SVBP: variants seen among roughly 807,000 people sequenced by gnomAD.
SVBP encodes small vasohibin-binding protein.
In SVBP, 9 loss-of-function variants were observed where a neutral mutation model predicts 9.2. That is an observed-to-expected ratio of 0.98 (90% CI 0.59 to 1.71). SVBP has a LOEUF of 1.71. Among genes scored for constraint, SVBP ranks in the 40% most tolerant of loss-of-function variants. SVBP has a pLI of 0.00. For synonymous variants in SVBP, 27 were observed against 23.9 expected, an observed-to-expected ratio of 1.13 and a Z score of -0.37; for missense variants, 63 against 73.2, an observed-to-expected ratio of 0.86 and a Z score of 0.51.
intron 2 of SVBP, among the ~76,000 whole-genome samples, chr1:42,814,089 TC>T (rs1557599550): frequency 3.2e-4 from 47 of 147,728 alleles, no homozygotes; most frequent in Non-Finnish European, 7.5e-5. Context: ...CAGTTCTTTT[TC>T]TTTTTTTTTT....
chr1:42,808,487 T>C lies in SVBP; in HGVS notation c.115-987A>G, dbSNP rs1371722774. 7.5e-5 allele frequency among the ~76,000 whole-genome samples: 11 copies of C among 145,854 alleles called. No homozygotes were observed. In the Admixed American group the frequency reaches 7.7e-4, roughly 10 times the overall value. On this transcript the variant is annotated intron_variant, in intron 2 of 2. Coordinates refer to ENST00000372521, the MANE Select transcript of SVBP (RefSeq NM_199342.4). ...ATACTAATAGTGTATATATACTATATATAGTATATGGTATACTTGCAACCT... is the reference window on the plus strand; with the variant it reads ...ATACTAATAGTGTATATATACTATACATAGTATATGGTATACTTGCAACCT...
In SVBP at chr1:42,807,322, G is replaced by GTTC. The variant is rs1180194839; in HGVS notation, c.*89_*91dup. 8.0e-6 allele frequency: 7 copies of GTTC among 875,042 alleles called. No homozygotes were observed. The allele number at this position is 875,042 out of a possible 1,614,324, so 54.2% of individuals were successfully genotyped here. ...TTATCCACAAATGTCTTCTGGTCTA[G>GTTC]TTCTGTAAGGCTCCAAATGGGCCAT... On this transcript the variant is annotated 3_prime_UTR_variant, in exon 3 of 3. Coordinates refer to ENST00000372521, the MANE Select transcript of SVBP (RefSeq NM_199342.4).
At chr1:42,816,217 A>C in intron 2 of SVBP, 1 of 487,422 alleles carries the variant, frequency 2.1e-6, no homozygotes, top group East Asian at 3.5e-5. Flanking sequence ...AAAGCTCCGC[A>C]CCAGACTGGG....
intron 2 of SVBP, chr1:42,816,144 C>A: frequency 3.0e-6 from 1 of 329,940 alleles, no homozygotes; most frequent in Admixed American, 5.0e-5. Flanking sequence ...TCATTCTGAC[C>A]CCTTCTTTCC....
In SVBP at chr1:42,816,457, C is replaced by A; in HGVS notation, c.88G>T (p.Glu30Ter). The A allele has an allele frequency of 1.9e-6, 3 of 1,613,976 alleles. No individual in the cohort carries two copies. The highest frequency in any genetic ancestry group is 1.3e-5 in the African/African-American group (1 of 75,040). The stretch of plus-strand genomic sequence containing the variant: ...TCTGCTCTTTGTCTCTGCTTCAGCT[C>A]CTGCTGGGCTGATTTCTGTTTGGCC... The part of the protein sequence containing the change: ...EKAKQKSAQQ[E>*]LKQRQRAEIY... Residue 30 changes from glutamate (E) to a stop codon, truncating the protein, a stop_gained, in exon 2 of 3, where the codon GAG (glutamate) becomes TAG (stop). Coordinates refer to ENST00000372521, the MANE Select transcript of SVBP (RefSeq NM_199342.4). LOFTEE classifies it high-confidence loss of function.
intron 2 of SVBP, among the ~76,000 whole-genome samples, chr1:42,812,319 G>T (rs1043364887): frequency 6.6e-5 from 10 of 152,228 alleles, no homozygotes; most frequent in African/African-American, 2.4e-4. Flanking sequence ...AAAGCTGGTG[G>T]ATGCCATGCA....
intron 2 of SVBP, among the ~76,000 whole-genome samples, chr1:42,814,173 C>T (rs369558650): frequency 4.6e-5 from 7 of 150,996 alleles, no homozygotes; most frequent in East Asian, 4.0e-4. Flanking sequence ...CCTCCGTCTC[C>T]TGGGTTCAAG....
chr1:42,811,058 G>C (rs191615791), intron 2 of SVBP, among the ~76,000 whole-genome samples: 7 of 152,180 alleles, frequency 4.6e-5, no homozygotes, highest in Admixed American at 2.0e-4. Context: ...AGAATTGCTT[G>C]AACCTGGGAG....
chr1:42,810,424 G>A (rs939060799), intron 2 of SVBP, among the ~76,000 whole-genome samples: 8 of 152,076 alleles, frequency 5.3e-5, no homozygotes, highest in Non-Finnish European at 1.2e-4. Context: ...GGGATTACAG[G>A]TGTGAGCCAC....
At chr1:42,810,427 T>C (rs1557598350) in intron 2 of SVBP, among the ~76,000 whole-genome samples, 1 of 152,136 alleles carries the variant, frequency 6.6e-6, no homozygotes, top group Non-Finnish European at 1.5e-5. Flanking sequence ...ATTACAGGTG[T>C]GAGCCACTGT....
At chr1:42,808,112 T>C (rs1653998047) in intron 2 of SVBP, among the ~76,000 whole-genome samples, 1 of 139,288 alleles carries the variant, frequency 7.2e-6, no homozygotes, top group Non-Finnish European at 1.5e-5. Flanking sequence ...AAGATAAGTG[T>C]GCAGGGGAGC....
intron 2 of SVBP, chr1:42,813,360 G>A: frequency 8.1e-6 from 3 of 368,204 alleles, no homozygotes; most frequent in South Asian, 7.4e-5. Context: ...GAAAAAATAC[G>A]CATTTAACTT....
intron 1 of SVBP, chr1:42,816,853 G>A: frequency 3.6e-6 from 1 of 281,220 alleles, no homozygotes. Context: ...TCCAGGAGCT[G>A]CTGTGTGCGG....
At chr1:42,808,082 C>A (rs655741) in intron 2 of SVBP, among the ~76,000 whole-genome samples, 33,542 of 143,746 alleles carry the variant, frequency 0.23, 4,495 homozygotes, top group Non-Finnish European at 0.29. Flanking sequence ...TTTTATCTGG[C>A]AGATTCTGGA....
At chr1:42,811,599 A>T (rs1169698656) in intron 2 of SVBP, among the ~76,000 whole-genome samples, 1 of 152,236 alleles carries the variant, frequency 6.6e-6, no homozygotes, top group Non-Finnish European at 1.5e-5. Flanking sequence ...GATCATAATC[A>T]CTGCTAGTTA....
chr1:42,808,143 G>GTATA lies in SVBP; in HGVS notation c.115-644_115-643insTATA, dbSNP rs1344012080. 4.8e-3 allele frequency among the ~76,000 whole-genome samples: 216 copies of GTATA among 44,556 alleles called. 1 individual carries two copies. Among genetic ancestry groups the GTATA allele is most frequent in the South Asian group, 7.3e-3 (8 of 1,094 alleles). The allele number at this position is 44,556 out of a possible 152,430, so 29.2% of individuals were successfully genotyped here. On this transcript the variant is annotated intron_variant, in intron 2 of 2. Transcript: ENST00000372521. ...GGAGCAATGTGAATATAGTGTGTGT[G>GTATA]TGTGTGTATATATATATATATATAT...
intron 2 of SVBP, among the ~76,000 whole-genome samples, chr1:42,811,088 G>A (rs374717609): frequency 2.6e-5 from 4 of 152,200 alleles, no homozygotes; most frequent in East Asian, 3.9e-4. Context: ...GCACTGAGTC[G>A]AGATCGTGCC....
At chr1:42,809,630 G>C (rs746440207) in intron 2 of SVBP, among the ~76,000 whole-genome samples, 1 of 152,176 alleles carries the variant, frequency 6.6e-6, no homozygotes. Flanking sequence ...GATCCAAACT[G>C]ACTAGAAAGC....
At chr1:42,813,491 A>T in intron 2 of SVBP, 1 of 553,244 alleles carries the variant, frequency 1.8e-6, no homozygotes, top group South Asian at 1.4e-5. Flanking sequence ...GTGACATCTA[A>T]TCTGGATGGT....
Sources: gnomAD v4.1 joint callset for allele counts (sites outside exome capture counted in the v4.1 genomes callset) on GRCh38, gnomAD v4.1.1 for gene constraint, MANE v1.5 for transcripts, NCBI Gene and HGNC (gene_info 2026-07-23, HGNC 2026-07-21) for gene names.